Variants in PKN2 observed in about 807,000 individuals in gnomAD.
PKN2 encodes serine/threonine-protein kinase N2.
In PKN2, 38 loss-of-function variants were observed where a neutral mutation model predicts 119.1. The observed-to-expected ratio is 0.32, with a 90% confidence interval of 0.25 to 0.42. The LOEUF is 0.42. Ranked by LOEUF, PKN2 falls within the 10% of genes least tolerant of loss-of-function variation. PKN2 has a pLI of 1.00. For missense variants in PKN2, 850 were observed against 1,165.1 expected (o/e 0.73, Z 3.94); for synonymous variants, 390 against 384.9 (o/e 1.01, Z -0.15).
At chr1:88,805,753 T>G in intron 11 of PKN2, 82 bp downstream of exon 11, 1 of 1,598,084 alleles carries the variant, frequency 6.3e-7, no homozygotes, top group Non-Finnish European at 8.5e-7. Flanking sequence ...GTGTACTGAG[T>G]CTTGCTTTTT....
chr1:88,813,638 A>G lies in PKN2; in HGVS notation c.2184A>G (p.Gln728=), dbSNP rs1469039216. The G allele has an allele frequency of 1.2e-6, 2 of 1,610,452 alleles. No homozygotes were observed. The highest frequency in any genetic ancestry group is 1.7e-6 in the Non-Finnish European group (2 of 1,178,776). ...PFLVNLFACF[Q]TKEHVCFVME... Reference sequence around the variant, plus strand: ...TGGTGAACCTTTTTGCATGTTTCCAAACCAAAGAGCATGTTTGCTTTGTAA... The same window carrying G: ...TGGTGAACCTTTTTGCATGTTTCCAGACCAAAGAGCATGTTTGCTTTGTAA... The change falls in exon 16 of 22, where the codon CAA becomes CAG. Residue 728 remains glutamine (Q), a synonymous_variant. Coordinates refer to ENST00000370521, the MANE Select transcript of PKN2 (RefSeq NM_006256.4).
chr1:88,835,577 A>G lies in PKN2; in HGVS notation c.*2129A>G, dbSNP rs1672912059. 6.6e-6 allele frequency: 1 copy of G among 152,348 alleles called. No homozygotes were observed. Among genetic ancestry groups the G allele is most frequent in the Non-Finnish European group, 1.5e-5 (1 of 67,902 alleles). The allele number at this position is 152,348 out of a possible 1,614,324, so 9.4% of individuals were successfully genotyped here. ...TTTAAAATATATATATATTTTAGTC[A>G]GATTTAAAATTTTAAGCTTTATAGA... On this transcript the variant is annotated 3_prime_UTR_variant, in exon 22 of 22. Coordinates refer to ENST00000370521, the MANE Select transcript of PKN2 (RefSeq NM_006256.4).
chr1:88,745,894 G>A lies in PKN2; in HGVS notation c.349+4606G>A, dbSNP rs7538604. ...ATAAAAATAGACTCATTAACCAATG[G>A]AATAGAAAAGAGAGCCCAGAAATAA... On this transcript the variant is annotated intron_variant, in intron 2 of 21. Coordinates refer to ENST00000370521, the MANE Select transcript of PKN2 (RefSeq NM_006256.4). Among the ~76,000 whole-genome samples, 683 of 152,142 alleles carry A rather than the reference G, an allele frequency of 4.5e-3. 1 individual carries two copies. Among genetic ancestry groups the A allele is most frequent in the African/African-American group, 0.015 (641 of 41,510 alleles).
chr1:88,714,757 CCTTT>C (rs1248626163), intron 1 of PKN2, among the ~76,000 whole-genome samples: 29 of 152,184 alleles, frequency 1.9e-4, no homozygotes, highest in Admixed American at 6.5e-4. Flanking sequence ...AATTGAATAC[CCTTT>C]CTTTCTTTCT....
At chr1:88,702,797 T>G (rs995232932) in intron 1 of PKN2, among the ~76,000 whole-genome samples, 2 of 141,822 alleles carry the variant, frequency 1.4e-5, no homozygotes, top group South Asian at 4.6e-4. Context: ...ACTATTTTTC[T>G]GTGTGATAGT....
intron 6 of PKN2, among the ~76,000 whole-genome samples, chr1:88,780,213 A>G (rs1269652622): frequency 6.6e-6 from 1 of 152,204 alleles, no homozygotes; most frequent in Admixed American, 6.5e-5. Flanking sequence ...TGAAATGAAA[A>G]TACTTTTTCT....
At chr1:88,710,627 G>C (rs1395889506) in intron 1 of PKN2, among the ~76,000 whole-genome samples, 1 of 152,248 alleles carries the variant, frequency 6.6e-6, no homozygotes, top group East Asian at 1.9e-4. Flanking sequence ...AGCCAGAATG[G>C]CTATTACTAA....
intron 8 of PKN2, among the ~76,000 whole-genome samples, chr1:88,790,831 T>C (rs1670802554): frequency 6.6e-6 from 1 of 152,186 alleles, no homozygotes; most frequent in South Asian, 2.1e-4. Context: ...TTCTTTTGTC[T>C]ATGGTTTCTG....
chr1:88,749,428 C>G (rs1668900291), intron 2 of PKN2, among the ~76,000 whole-genome samples: 1 of 149,194 alleles, frequency 6.7e-6, no homozygotes, highest in African/African-American at 2.5e-5. Flanking sequence ...AAAAATTATT[C>G]TAACTCACAG....
chr1:88,685,305 C>A (rs140136725), intron 1 of PKN2: 31 of 151,592 alleles, frequency 2.0e-4, no homozygotes, highest in African/African-American at 7.0e-4. Context: ...TCTCTGCTAC[C>A]CCTGCCCAGA....
chr1:88,709,154 A>G (rs1667122494), intron 1 of PKN2, among the ~76,000 whole-genome samples: 1 of 151,878 alleles, frequency 6.6e-6, no homozygotes, highest in Non-Finnish European at 1.5e-5. Context: ...CCCGGGTACA[A>G]GTGATTCTCC....
At chr1:88,690,768 A>G (rs1308017796) in intron 1 of PKN2, among the ~76,000 whole-genome samples, 1 of 152,216 alleles carries the variant, frequency 6.6e-6, no homozygotes. Flanking sequence ...CCTGTAAAAA[A>G]TGAAGATCAA....
At chr1:88,715,925 G>T (rs182070118) in intron 1 of PKN2, among the ~76,000 whole-genome samples, 11 of 152,266 alleles carry the variant, frequency 7.2e-5, no homozygotes, top group Admixed American at 7.2e-4. Context: ...TCTCTTATGG[G>T]CATTTAGTGC....
rs1295201772 is a variant in PKN2 at position 88,833,527 on chromosome 1, C to T, written c.*79C>T. On this transcript the variant is annotated 3_prime_UTR_variant, in exon 22 of 22. Transcript: ENST00000370521. ...GCAACCCTTCATTTGCTCTCTGTGC[C>T]ACCAATAGCTTCTGAGTTTTTTGTT... is the stretch of plus-strand genomic sequence containing the variant. 3 of 1,041,758 alleles carry T rather than the reference C, an allele frequency of 2.9e-6. No homozygotes were observed. The East Asian group carries it at 7.2e-5, about 25-fold the overall frequency. 64.5% of individuals were successfully genotyped at this position (1,041,758 alleles called of 1,614,324 possible). A position where few individuals can be genotyped will look rare whatever the true frequency, so the allele number is the denominator to read the frequency against.
chr1:88,701,260 A>T (rs1399221982), intron 1 of PKN2, among the ~76,000 whole-genome samples: 2 of 152,208 alleles, frequency 1.3e-5, no homozygotes, highest in East Asian at 3.9e-4. Context: ...CCTGCCCAAC[A>T]TGGTGAAACC....
chr1:88,720,974 C>T (rs1348220682), intron 1 of PKN2, among the ~76,000 whole-genome samples: 1 of 152,162 alleles, frequency 6.6e-6, no homozygotes, highest in Non-Finnish European at 1.5e-5. Flanking sequence ...CTTTTTATGG[C>T]TTAGTATCAT....
At chr1:88,806,528 A>G (rs962647320) in intron 12 of PKN2, among the ~76,000 whole-genome samples, 1 of 152,092 alleles carries the variant, frequency 6.6e-6, no homozygotes, top group African/African-American at 2.4e-5. Context: ...GTAGGAGACA[A>G]CCAACTTCTT....
intron 9 of PKN2, 132 bp downstream of exon 9, chr1:88,804,666 G>A (rs1370752533): frequency 1.1e-6 from 1 of 873,958 alleles, no homozygotes; most frequent in Non-Finnish European, 1.8e-6. Flanking sequence ...CTATGCCACT[G>A]AATAGGTATG....
At chr1:88,771,395 A>G (rs9287139) in intron 4 of PKN2, 26 bp from the exon 5 acceptor site, 42,264 of 1,560,354 alleles carry the variant, frequency 0.027, 1,595 homozygotes, top group African/African-American at 0.18. Context: ...TAAATGGTGC[A>G]ATTAAAATTT....
Sources: allele counts gnomAD v4.1 joint callset (sites outside exome capture counted in the v4.1 genomes callset), GRCh38; gene constraint gnomAD v4.1.1; transcripts MANE v1.5; gene names NCBI Gene and HGNC (gene_info 2026-07-23, HGNC 2026-07-21).